Variants in TET1 observed in about 807,000 individuals in gnomAD.
TET1 encodes methylcytosine dioxygenase TET1.
Under a neutral mutation model 148.7 loss-of-function variants are expected in TET1, and 13 were observed. That is an observed-to-expected ratio of 0.09 (90% CI 0.06 to 0.14). The LOEUF is 0.14. Among genes scored for constraint, TET1 ranks in the 10% least tolerant of loss-of-function variants. TET1 has a pLI of 1.00. For missense variants in TET1, 2,182 were observed against 2,553.8 expected (o/e 0.85, Z 3.14); for synonymous variants, 907 against 937.2 (o/e 0.97, Z 0.59).
At chr10:68,598,684 T>C (rs1488536134) in intron 2 of TET1, among the ~76,000 whole-genome samples, 1 of 149,492 alleles carries the variant, frequency 6.7e-6, no homozygotes, top group Non-Finnish European at 1.5e-5. Flanking sequence ...ATTAGGTTTT[T>C]TTTTTCTTTT....
chr10:68,632,264 G>A (rs1428543133), intron 3 of TET1: 2 of 919,576 alleles, frequency 2.2e-6, no homozygotes, highest in African/African-American at 3.3e-5. Flanking sequence ...GGAGCTTGCA[G>A]TGAGCCGAGA....
chr10:68,674,597 G>T (rs955453828), intron 8 of TET1: 10 of 520,564 alleles, frequency 1.9e-5, no homozygotes, highest in Non-Finnish European at 3.7e-5. Flanking sequence ...TCAGGGGAAT[G>T]ATTGCCTGAT....
intron 3 of TET1, among the ~76,000 whole-genome samples, chr10:68,644,333 G>A (rs1004483673): frequency 5.5e-4 from 83 of 152,262 alleles, no homozygotes; most frequent in Middle Eastern, 6.8e-3. Context: ...CTCCCGGGTA[G>A]CTGGGGCCGC....
At position 68,652,602 on chromosome 10, in the gene TET1, T is replaced by C; in HGVS notation, c.4461+8T>C. On this transcript the variant is annotated splice_region_variant and intron_variant, in intron 6 of 11. Coordinates refer to ENST00000373644, the MANE Select transcript of TET1 (RefSeq NM_030625.3). The stretch of plus-strand genomic sequence containing the variant: ...TGTCCAATTGCTAAGTGGGTAAGTA[T>C]TTCCTATTTATACATTTTTTTGAAG... 1 of 1,594,590 alleles carries C rather than the reference T, an allele frequency of 6.3e-7. No individual in the cohort carries two copies. The highest frequency in any genetic ancestry group is 1.1e-5 in the South Asian group (1 of 89,084).
At chr10:68,613,774 C>G (rs1013581549) in intron 3 of TET1, among the ~76,000 whole-genome samples, 3 of 151,820 alleles carry the variant, frequency 2.0e-5, no homozygotes, top group African/African-American at 7.3e-5. Flanking sequence ...CTGTCTCTAC[C>G]TAAAGTACAG....
chr10:68,627,543 C>A (rs1438327294), intron 3 of TET1, among the ~76,000 whole-genome samples: 1 of 152,042 alleles, frequency 6.6e-6, no homozygotes, highest in Middle Eastern at 3.2e-3. Context: ...CTGCAGTGAG[C>A]CGAGATCGTG....
At chr10:68,605,217 A>C (rs1186228344) in intron 3 of TET1, among the ~76,000 whole-genome samples, 1 of 152,176 alleles carries the variant, frequency 6.6e-6, no homozygotes, top group Non-Finnish European at 1.5e-5. Context: ...TCAGGCCTGT[A>C]ATCCCAACAC....
chr10:68,648,434 G>GA (rs2054883522), intron 4 of TET1, among the ~76,000 whole-genome samples: 1 of 152,170 alleles, frequency 6.6e-6, no homozygotes, highest in Non-Finnish European at 1.5e-5. Flanking sequence ...TAGGCTGCTT[G>GA]AAGCCCCATT....
At chr10:68,671,488 T>G (rs1446196570) in intron 7 of TET1, among the ~76,000 whole-genome samples, 3 of 152,246 alleles carry the variant, frequency 2.0e-5, no homozygotes, top group African/African-American at 7.2e-5. Flanking sequence ...TTTGGTATTG[T>G]GAATAGCACT....
intron 2 of TET1, among the ~76,000 whole-genome samples, chr10:68,596,015 C>CATATATATATATAT (rs1327782857): frequency 9.3e-5 from 10 of 107,900 alleles, no homozygotes; most frequent in African/African-American, 3.5e-4. Context: ...CACACACACA[C>CATATATATATATAT]ACACACACAC....
chr10:68,684,633 T>G (rs1252996719), intron 10 of TET1, among the ~76,000 whole-genome samples: 4 of 152,184 alleles, frequency 2.6e-5, no homozygotes, highest in Non-Finnish European at 4.4e-5. Flanking sequence ...GGGCCCGGAT[T>G]ACTCACTCAA....
intron 4 of TET1, among the ~76,000 whole-genome samples, chr10:68,651,323 G>T (rs1288912898): frequency 9.2e-5 from 14 of 152,054 alleles, no homozygotes; most frequent in African/African-American, 2.4e-5. Flanking sequence ...GCGTGGTGGC[G>T]GGTGCCTATA....
intron 7 of TET1, among the ~76,000 whole-genome samples, chr10:68,669,875 G>A (rs1056972682): frequency 3.3e-5 from 5 of 151,426 alleles, no homozygotes; most frequent in Non-Finnish European, 5.9e-5. Flanking sequence ...ATGTTGGCCA[G>A]GCTGGTCTCA....
At chr10:68,655,784 G>A (rs1010052691) in intron 6 of TET1, among the ~76,000 whole-genome samples, 18 of 152,230 alleles carry the variant, frequency 1.2e-4, no homozygotes, top group Non-Finnish European at 2.2e-4. Flanking sequence ...TGTCTGTGTT[G>A]CCTGGGCTAG....
intron 6 of TET1, among the ~76,000 whole-genome samples, chr10:68,661,848 G>C (rs1318307646): frequency 7.4e-6 from 1 of 134,476 alleles, no homozygotes; most frequent in Admixed American, 7.5e-5. Context: ...ACCAAGTATT[G>C]TGGGTTTTTT....
intron 3 of TET1, among the ~76,000 whole-genome samples, chr10:68,622,730 T>C (rs2054395545): frequency 6.7e-6 from 1 of 150,142 alleles, no homozygotes; most frequent in African/African-American, 2.5e-5. Flanking sequence ...TTGTAGAATG[T>C]CCCTGAAATT....
chr10:68,667,074 A>G lies in TET1; in HGVS notation c.4491A>G (p.Lys1497=). ...TAAGAAGAAGCAGTGATGAAGAAAA[A>G]GTTCTTTGTTTGGTCCGGCAGCGTA... The part of the protein sequence containing the change: ...WVLRRSSDEE[K]VLCLVRQRTG... Residue 1497 remains lysine, a synonymous_variant, in exon 7 of 12, where the codon AAA becomes AAG. Coordinates refer to ENST00000373644, the MANE Select transcript of TET1 (RefSeq NM_030625.3). The G allele has an allele frequency of 6.2e-7, 1 of 1,613,866 alleles. No individual in the cohort carries two copies. The highest frequency in any genetic ancestry group is 8.5e-7 in the Non-Finnish European group (1 of 1,179,912).
In TET1 at chr10:68,669,455, C is replaced by T. The variant is rs578151154; in HGVS notation, c.4673+2199C>T. Among the ~76,000 whole-genome samples the T allele has an allele frequency of 2.8e-4, 39 of 140,740 alleles. 1 individual carries two copies. The highest frequency in any genetic ancestry group is 3.7e-3 in the Middle Eastern group (1 of 270). The allele number at this position is 140,740 out of a possible 152,430, so 92.3% of individuals were successfully genotyped here. On this transcript the variant is annotated intron_variant, in intron 7 of 11. Coordinates refer to ENST00000373644, the MANE Select transcript of TET1 (RefSeq NM_030625.3). The stretch of plus-strand genomic sequence containing the variant: ...CCTCCCAAGTAGCTGGGACTACAGG[C>T]GCCTGCCACCATGCCCAGCTTTTTT...
rs1444867392 is a variant in TET1 at position 68,646,690 on chromosome 10, T to G, written c.3961T>G (p.Phe1321Val). The change falls in exon 4 of 12, where the codon TTT (phenylalanine) becomes GTT (valine). Residue 1321 changes from phenylalanine (F) to valine (V), a missense_variant. Phe to Val is a conservative substitution (Grantham distance 50). Coordinates refer to ENST00000373644, the MANE Select transcript of TET1 (RefSeq NM_030625.3). ...GATGGCAGGCGATGACCAAATACGG[T>G]TTCAGCAGGTTGTTAAGGAGCAACT... Reference protein sequence around the residue: ...NVMAGDDQIRFQQVVKEQLMH... With the variant: ...NVMAGDDQIRVQQVVKEQLMH... 1 of 1,613,978 alleles carries G rather than the reference T, an allele frequency of 6.2e-7. No individual in the cohort carries two copies. The highest frequency in any genetic ancestry group is 1.3e-5 in the African/African-American group (1 of 74,886).
Sources: allele counts gnomAD v4.1 joint callset (sites outside exome capture counted in the v4.1 genomes callset), GRCh38; gene constraint gnomAD v4.1.1; transcripts MANE v1.5; gene names NCBI Gene and HGNC (gene_info 2026-07-23, HGNC 2026-07-21).